DDX41: variants seen among roughly 807,000 people sequenced by gnomAD.
DDX41 encodes the protein DEAD-box helicase 41.
In DDX41, 50 loss-of-function variants were observed where a neutral mutation model predicts 78.8. The ratio of observed to expected loss-of-function variants is 0.63; its 90% confidence interval spans 0.51 to 0.80. The LOEUF is 0.80. DDX41 is among the 30% of genes least tolerant of loss of function. The pLI is 0.00. For missense variants in DDX41, 633 were observed against 849.2 expected (o/e 0.75, Z 3.16); for synonymous variants, 381 against 321.5 (o/e 1.19, Z -1.98).
rs1761165325 is a variant in DDX41 at position 177,515,166 on chromosome 5, G to GGTCCACA, written c.644+13_644+19dup. 1.2e-6 allele frequency: 2 copies of GGTCCACA among 1,613,838 alleles called. No individual in the cohort carries two copies. The highest frequency in any genetic ancestry group is 3.3e-5 in the Admixed American group (2 of 60,004). On this transcript the variant is annotated intron_variant, in intron 7 of 16. Transcript: ENST00000330503. ...GTTCCAGCCCTCCTCAAGGACCCCA[G>GGTCCACA]GTCCACAGTCCACACTCACATGGTG...
chr5:177,511,948 G>A, intron 16 of DDX41, 21 bp from the exon 17 acceptor site: 18 of 1,612,792 alleles, frequency 1.1e-5, no homozygotes, highest in Non-Finnish European at 1.4e-5. Context: ...GGGGACAGGG[G>A]TCAGCCAAGT....
chr5:177,516,178 G>C lies in DDX41; in HGVS notation c.314C>G (p.Ala105Gly), dbSNP rs746011638. ...TTCTTCCTTCAGCTGCTTCTCCTTGGCAGACTCTTTGCGCGCTGAGAAAAG... is the reference window on the plus strand; with the variant it reads ...TTCTTCCTTCAGCTGCTTCTCCTTGCCAGACTCTTTGCGCGCTGAGAAAAG... ...KEKAEARKES[A>G]KEKQLKEEEK... Residue 105 changes from alanine to glycine, a missense_variant, in exon 4 of 17, where the codon GCC (alanine) becomes GGC (glycine). Ala to Gly is a moderately conservative substitution (Grantham distance 60). Transcript: ENST00000330503. The C allele has an allele frequency of 6.2e-7, 1 of 1,614,004 alleles. No homozygotes were observed. Among genetic ancestry groups the C allele is most frequent in the Non-Finnish European group, 8.5e-7 (1 of 1,180,024 alleles).
At position 177,516,958 on chromosome 5, in the gene DDX41, G is replaced by T; in HGVS notation, c.-13C>A. 2 of 1,607,638 alleles carry T rather than the reference G, an allele frequency of 1.2e-6. No homozygotes were observed. Among genetic ancestry groups the T allele is most frequent in the Non-Finnish European group, 1.7e-6 (2 of 1,175,612 alleles). On this transcript the variant is annotated 5_prime_UTR_variant, in exon 1 of 17. Transcript: ENST00000330503. Reference sequence around the variant, plus strand: ...CCGACTCCTCCATTCTTTGCTGCACGCATGCGCGCCACGGCGAAACCCCGC... The same window carrying T: ...CCGACTCCTCCATTCTTTGCTGCACTCATGCGCGCCACGGCGAAACCCCGC...
chr5:177,516,483 C>T (rs745314656), intron 2 of DDX41, 36 bp from the exon 3 acceptor site: 2 of 1,609,568 alleles, frequency 1.2e-6, no homozygotes, highest in Admixed American at 3.3e-5. Context: ...ATAGGATGGG[C>T]ATGGAGTCCA....
rs1455277746 is a variant in DDX41, at chr5:177,516,427, T to C, written c.159A>G (p.Arg53=). The C allele has an allele frequency of 6.2e-7, 1 of 1,613,772 alleles. No homozygotes were observed. The highest frequency in any genetic ancestry group is 1.7e-5 in the Admixed American group (1 of 60,026). ...RQLLLQKLLQ[R]RRKGAAEEEQ... ...CTTCCTCCGCAGCTCCCTTGCGTCT[T>C]CGCTGCAGCAGCTTCTGGAGCTGAG... is the stretch of plus-strand genomic sequence containing the variant. The change falls in exon 3 of 17, where the codon CGA becomes CGG. Residue 53 remains arginine, a synonymous_variant. Coordinates refer to ENST00000330503, the MANE Select transcript of DDX41 (RefSeq NM_016222.4).
Position 177,513,759 on chromosome 5 carries a change from C to T in DDX41, c.1024G>A (p.Ala342Thr). The change falls in exon 10 of 17, where the codon GCC (alanine) becomes ACC (threonine). Residue 342 changes from alanine to threonine, a missense_variant. Ala to Thr is a moderately conservative substitution (Grantham distance 58). Coordinates refer to ENST00000330503, the MANE Select transcript of DDX41 (RefSeq NM_016222.4). This position sits in a 1 kb window ranked among gnomAD's most constrained non-coding sequence, Gnocchi z 4.6. The stretch of plus-strand genomic sequence containing the variant: ...ATCATGCGGTCAGCCTCGTCCAGGG[C>T]CAGGTAGCGACAGATGTCTAGGCTG... ...MVSLDICRYL[A>T]LDEADRMIDM... 6.2e-7 allele frequency: 1 copy of T among 1,613,904 alleles called. No homozygotes were observed. The highest frequency in any genetic ancestry group is 1.1e-5 in the South Asian group (1 of 91,088).
In DDX41 at chr5:177,512,624, G is replaced by A; in HGVS notation, c.1421C>T (p.Ala474Val). ...GGKDQEERTKAIEAFREGKKD... is the reference protein window; with the variant it reads ...GGKDQEERTKVIEAFREGKKD... ...CTTGCCCTCCCGGAATGCCTCGATG[G>A]CCTTAGTCCGTTCCTCCTGGTCTGG... The change falls in exon 14 of 17, where the codon GCC becomes GTC. Residue 474 changes from alanine (A) to valine (V), a missense_variant. Physicochemically the swap from Ala to Val is moderately conservative, Grantham distance 64. This residue lies in a region of DDX41 where 185 missense variants were observed against 367.4 expected (regional missense o/e 0.50). Coordinates refer to ENST00000330503, the MANE Select transcript of DDX41 (RefSeq NM_016222.4). 6.2e-7 allele frequency: 1 copy of A among 1,614,086 alleles called. No individual in the cohort carries two copies. The highest frequency in any genetic ancestry group is 8.5e-7 in the Non-Finnish European group (1 of 1,180,024).
intron 7 of DDX41, 40 bp from the exon 8 acceptor site, chr5:177,515,109 A>C (rs1761163365): frequency 6.2e-7 from 1 of 1,612,228 alleles, no homozygotes; most frequent in Non-Finnish European, 8.5e-7. Flanking sequence ...TTTCAACAGA[A>C]GATGAAGGAC....
chr5:177,514,692 A>C lies in DDX41; in HGVS notation c.935+9T>G, dbSNP rs534811902. 98 of 1,606,390 alleles carry C rather than the reference A, an allele frequency of 6.1e-5. No individual in the cohort carries two copies. Among genetic ancestry groups the C allele is most frequent in the Middle Eastern group, 3.3e-4 (2 of 6,056 alleles). ...GCAGAGGTGGGGGGCAGGGAGCGCC[A>C]GCACTCACTGTCGGATGGTCTCCAT... On this transcript the variant is annotated intron_variant, in intron 9 of 16. Coordinates refer to ENST00000330503, the MANE Select transcript of DDX41 (RefSeq NM_016222.4). This position sits in a 1 kb window ranked among gnomAD's most constrained non-coding sequence, Gnocchi z 4.2.
Position 177,516,206 on chromosome 5 carries a change from G to A in DDX41, c.299-13C>T. ...GACTCTTTGCGCGCTGAGAAAAGAAGTGGAAGATGTCAGACAGATACCAAA... is the reference window on the plus strand; with the variant it reads ...GACTCTTTGCGCGCTGAGAAAAGAAATGGAAGATGTCAGACAGATACCAAA... On this transcript the variant is annotated splice_polypyrimidine_tract_variant and intron_variant, in intron 3 of 16. Coordinates refer to ENST00000330503, the MANE Select transcript of DDX41 (RefSeq NM_016222.4). 1 of 1,614,144 alleles carries A rather than the reference G, an allele frequency of 6.2e-7. No homozygotes were observed. Among genetic ancestry groups the A allele is most frequent in the Non-Finnish European group, 8.5e-7 (1 of 1,180,038 alleles).
chr5:177,512,211 G>T lies in DDX41; in HGVS notation c.1622-5C>A, dbSNP rs374359854. 1.9e-6 allele frequency: 3 copies of T among 1,613,660 alleles called. No homozygotes were observed. Among genetic ancestry groups the T allele is most frequent in the Non-Finnish European group, 2.5e-6 (3 of 1,180,006 alleles). ...GGTCCATCAGCACTGACTCATCTGG[G>T]GGAGGAGTGGGGAAGCATCAGGGCC... On this transcript the variant is annotated splice_polypyrimidine_tract_variant and splice_region_variant and intron_variant, in intron 15 of 16. Transcript: ENST00000330503.
At position 177,514,730 on chromosome 5, in the gene DDX41, G is replaced by A. The variant is rs1465152201; in HGVS notation, c.906C>T (p.Ser302=). The change falls in exon 9 of 17, where the codon TCC becomes TCT. Residue 302 remains serine, a synonymous_variant. Coordinates refer to ENST00000330503, the MANE Select transcript of DDX41 (RefSeq NM_016222.4). This position sits in a 1 kb window ranked among gnomAD's most constrained non-coding sequence, Gnocchi z 4.2. Reference sequence around the variant, plus strand: ...GGATGGTCTCCATCTGCTCTTTCACGGACATGCCCCCAATGCAGAGGGCGC... The same window carrying A: ...GGATGGTCTCCATCTGCTCTTTCACAGACATGCCCCCAATGCAGAGGGCGC... ...LRCALCIGGM[S]VKEQMETIRH... 5 of 1,612,250 alleles carry A rather than the reference G, an allele frequency of 3.1e-6. No homozygotes were observed. Among genetic ancestry groups the A allele is most frequent in the African/African-American group, 1.3e-5 (1 of 74,906 alleles).
rs113217634 is a variant in DDX41 at position 177,515,274 on chromosome 5, G to A, written c.572-16C>T. ...CTCAGGATGGCTATGAAAACCAACCGACATCGTCTTCATGACTCACAGGTA... is the reference window on the plus strand; with the variant it reads ...CTCAGGATGGCTATGAAAACCAACCAACATCGTCTTCATGACTCACAGGTA... On this transcript the variant is annotated splice_polypyrimidine_tract_variant and intron_variant, in intron 6 of 16. Transcript: ENST00000330503. 20 of 1,613,406 alleles carry A rather than the reference G, an allele frequency of 1.2e-5. No individual in the cohort carries two copies. The highest frequency in any genetic ancestry group is 2.7e-5 in the African/African-American group (2 of 74,764).
chr5:177,516,573 G>A, intron 2 of DDX41, 126 bp from the exon 3 acceptor site: 1 of 1,406,188 alleles, frequency 7.1e-7, no homozygotes, highest in South Asian at 1.2e-5. Flanking sequence ...CTCAGATCAA[G>A]CCGTCGGTCC....
At position 177,515,687 on chromosome 5, in the gene DDX41, G is replaced by A. The variant is rs760795625; in HGVS notation, c.569C>T (p.Ala190Val). ...IKSFKEMKFPAAILRGLKKKG... is the reference protein window; with the variant it reads ...IKSFKEMKFPVAILRGLKKKG... ...ATCTCTCTCCAGCCCCTGACTACCT[G>A]CAGGAAACTTCATTTCCTTGAAGCT... The change falls in exon 6 of 17, where the codon GCA (alanine) becomes GTA (valine). Residue 190 changes from alanine (A) to valine (V), a missense_variant and splice_region_variant. Physicochemically the swap from Ala to Val is moderately conservative, Grantham distance 64. This residue lies in a region of DDX41 where 126 missense variants were observed against 115.5 expected (regional missense o/e 1.09). Coordinates refer to ENST00000330503, the MANE Select transcript of DDX41 (RefSeq NM_016222.4). The A allele has an allele frequency of 1.9e-6, 3 of 1,613,988 alleles. No individual in the cohort carries two copies. Among genetic ancestry groups the A allele is most frequent in the South Asian group, 1.1e-5 (1 of 91,084 alleles).
rs1482632471 is a variant in DDX41, at chr5:177,514,050, C to T, written c.936-203G>A. ...TGCAGCCATCTTCACCACCGCTCGG[C>T]CTGGCGCGCCTTCCCCCTTCTCCTG... is the stretch of plus-strand genomic sequence containing the variant. On this transcript the variant is annotated intron_variant, in intron 9 of 16. Coordinates refer to ENST00000330503, the MANE Select transcript of DDX41 (RefSeq NM_016222.4). The surrounding 1 kb of genome is among the most constrained non-coding windows in gnomAD (Gnocchi z 4.2). 23 of 696,010 alleles carry T rather than the reference C, an allele frequency of 3.3e-5. No homozygotes were observed. The highest frequency in any genetic ancestry group is 5.3e-5 in the African/African-American group (3 of 57,052). 43.1% of individuals were successfully genotyped at this position (696,010 alleles called of 1,614,324 possible). A position where few individuals can be genotyped will look rare whatever the true frequency, so the allele number is the denominator to read the frequency against.
Position 177,516,762 on chromosome 5 carries a change from A to T in DDX41, c.101T>A (p.Val34Glu). ...EAEDEDDEDY[V>E]PYVPLRQRRQ... ...GCGCTGCCGTAACGGCACATAGGGC[A>T]CGTAGTCCTCGTCGTCCTCATCTTC... The change falls in exon 2 of 17, where the codon GTG (valine) becomes GAG (glutamate). Residue 34 changes from valine to glutamate, a missense_variant. By Grantham distance (121) the Val-to-Glu change is moderately radical. This residue lies in a region of DDX41 where 140 missense variants were observed against 115.2 expected (regional missense o/e 1.22). Transcript: ENST00000330503. 1 of 1,611,530 alleles carries T rather than the reference A, an allele frequency of 6.2e-7. No individual in the cohort carries two copies. Among genetic ancestry groups the T allele is most frequent in the Non-Finnish European group, 8.5e-7 (1 of 1,179,340 alleles).
At position 177,516,789 on chromosome 5, in the gene DDX41, G is replaced by A. The variant is rs752211686; in HGVS notation, c.74C>T (p.Ala25Val). Residue 25 changes from alanine to valine, a missense_variant, in exon 2 of 17, where the codon GCG (alanine) becomes GTG (valine). Around this residue, in one of 6 missense-constraint regions of DDX41, gnomAD observed 140 missense variants for 115.2 expected, o/e 1.22. Transcript: ENST00000330503. ...GTAGTCCTCGTCGTCCTCATCTTCC[G>A]CCTCGGAGCGGCTTCCTCCGGCAGG... ...EVPAGGSRSE[A>V]EDEDDEDYVP... 3 of 1,612,474 alleles carry A rather than the reference G, an allele frequency of 1.9e-6. No homozygotes were observed. Among genetic ancestry groups the A allele is most frequent in the Non-Finnish European group, 2.5e-6 (3 of 1,179,792 alleles).
At position 177,511,865 on chromosome 5, in the gene DDX41, C is replaced by T. The variant is rs1760962723; in HGVS notation, c.1795G>A (p.Glu599Lys). The part of the protein sequence containing the change: ...GHRITDCPKL[E>K]AMQTKQVSNI... ...CTGACCTGCTTGGTCTGCATAGCCT[C>T]GAGTTTGGGGCAGTCAGTGATCCGA... is the stretch of plus-strand genomic sequence containing the variant. Residue 599 changes from glutamate to lysine, a missense_variant, in exon 17 of 17, where the codon GAG (glutamate) becomes AAG (lysine). Around this residue, in one of 6 missense-constraint regions of DDX41, gnomAD observed 185 missense variants for 367.4 expected, o/e 0.50. Transcript: ENST00000330503. 1.2e-6 allele frequency: 2 copies of T among 1,614,118 alleles called. No homozygotes were observed. The highest frequency in any genetic ancestry group is 1.1e-5 in the South Asian group (1 of 91,082).
Sources: gnomAD v4.1 joint callset for allele counts on GRCh38, gnomAD v4.1.1 for gene constraint, gnomAD v4.1.1 regional missense constraint, Gnocchi (gnomAD v3.1) non-coding constraint, MANE v1.5 for transcripts, NCBI Gene and HGNC (gene_info 2026-07-23, HGNC 2026-07-21) for gene names.